Variants in OPHN1 observed in about 807,000 individuals in gnomAD.
The protein encoded by OPHN1 is oligophrenin-1.
OPHN1 carries 11 observed loss-of-function variants against 60.7 expected under a neutral mutation model. The ratio of observed to expected loss-of-function variants is 0.18; its 90% confidence interval spans 0.11 to 0.30. The LOEUF is 0.30. OPHN1 is among the 10% of genes least tolerant of loss of function. The probability of loss-of-function intolerance (pLI) is 1.00; values close to 1 mark genes in which losing one functional copy is unlikely to be tolerated. For missense variants in OPHN1, 449 were observed against 611.0 expected, an observed-to-expected ratio of 0.73 and a Z score of 2.80; for synonymous variants, 226 against 222.6, an observed-to-expected ratio of 1.02 and a Z score of -0.14.
chrX:68,362,050 A>G (rs151147974), intron 2 of OPHN1, among the ~76,000 whole-genome samples: 142 of 111,952 alleles, frequency 1.3e-3, no homozygotes, highest in African/African-American at 4.5e-3. Context: ...TCCTTTGTCT[A>G]TTTTTAAATC....
In OPHN1 at chrX:68,336,673, A is replaced by AGT. The variant is rs758147589; in HGVS notation, c.155-37579_155-37578dup. Among the ~76,000 whole-genome samples, 987 of 104,978 alleles carry AGT rather than the reference A, an allele frequency of 9.4e-3. 6 individuals are homozygous for AGT. Among genetic ancestry groups the AGT allele is most frequent in the South Asian group, 0.026 (61 of 2,375 alleles). The allele number at this position is 104,978 out of a possible 115,157, so 91.2% of individuals were successfully genotyped here. ...GTGTACGTGTGTGTGTGTGTGTGAG[A>AGT]GTGTGTGTGTGTGTGTGTGTGTGTA... On this transcript the variant is annotated intron_variant, in intron 2 of 24. Coordinates refer to ENST00000355520, the MANE Select transcript of OPHN1 (RefSeq NM_002547.3).
chrX:68,235,889 T>A (rs938554999), intron 5 of OPHN1, among the ~76,000 whole-genome samples: 3 of 108,126 alleles, frequency 2.8e-5, no homozygotes, highest in Non-Finnish European at 5.7e-5. Context: ...AAGAAAGAAA[T>A]GTGCTTTTTA....
At chrX:68,421,563 T>C (rs1351351805) in intron 2 of OPHN1, among the ~76,000 whole-genome samples, 3 of 111,473 alleles carry the variant, frequency 2.7e-5, no homozygotes, top group Non-Finnish European at 5.6e-5. Context: ...GAATTCAGGA[T>C]GGATGAATTC....
rs1462750573 is a variant in OPHN1, at chrX:68,213,956, T to C, written c.503A>G (p.Asp168Gly). 5 of 1,175,291 alleles carry C rather than the reference T, an allele frequency of 4.3e-6. No homozygotes were observed. The highest frequency in any genetic ancestry group is 2.3e-6 in the Non-Finnish European group (2 of 865,129). ...CTCGAAAAAATTGTGCCTCTCCTTG[T>C]CCACCTGTAGGTCTGCCTGTAGAAG... is the stretch of plus-strand genomic sequence containing the variant. ...SQLQEADLQV[D>G]KERHNFFESS... is the part of the protein sequence containing the mutation. Residue 168 changes from aspartate (D) to glycine (G), a missense_variant, in exon 7 of 25, where the codon GAC becomes GGC. By Grantham distance (94) the Asp-to-Gly change is moderately conservative. Around this residue, in one of 4 missense-constraint regions of OPHN1, gnomAD observed 99 missense variants for 155.2 expected, o/e 0.64. Transcript: ENST00000355520.
At chrX:68,314,139 G>T (rs1278584683) in intron 2 of OPHN1, among the ~76,000 whole-genome samples, 1 of 111,974 alleles carries the variant, frequency 8.9e-6, no homozygotes, top group African/African-American at 3.2e-5. Flanking sequence ...CAAATTCCTT[G>T]TAACACACAA....
intron 2 of OPHN1, among the ~76,000 whole-genome samples, chrX:68,410,327 G>A (rs1201338702): frequency 9.0e-6 from 1 of 111,071 alleles, no homozygotes; most frequent in Non-Finnish European, 1.9e-5. Context: ...TCCAGGCTCT[G>A]CTTCCAAGAT....
At chrX:68,297,777 C>G (rs921520980) in intron 3 of OPHN1, among the ~76,000 whole-genome samples, 4 of 110,541 alleles carry the variant, frequency 3.6e-5, no homozygotes, top group Non-Finnish European at 5.7e-5. Flanking sequence ...ACCCATAAAA[C>G]TTGTGAAAAA....
intron 15 of OPHN1, among the ~76,000 whole-genome samples, chrX:68,130,824 C>T (rs2077191207): frequency 8.9e-6 from 1 of 111,752 alleles, no homozygotes; most frequent in Non-Finnish European, 1.9e-5. Flanking sequence ...TTCCAGGGAG[C>T]AAGGACAATG....
At chrX:68,145,423 G>A (rs1423732304) in intron 15 of OPHN1, among the ~76,000 whole-genome samples, 1 of 111,747 alleles carries the variant, frequency 8.9e-6, no homozygotes, top group Non-Finnish European at 1.9e-5. Context: ...AACAGCAGAG[G>A]TTGTTCAAAA....
At chrX:68,148,988 C>A (rs1569226080) in intron 15 of OPHN1, among the ~76,000 whole-genome samples, 2 of 111,265 alleles carry the variant, frequency 1.8e-5, no homozygotes, top group African/African-American at 6.5e-5. Context: ...ATTTTAATAT[C>A]TTTTATGTAG....
chrX:68,416,759 C>A (rs751465792), intron 2 of OPHN1, among the ~76,000 whole-genome samples: 57 of 112,089 alleles, frequency 5.1e-4, no homozygotes, highest in Non-Finnish European at 9.2e-4. Context: ...ACAAGAAGGT[C>A]CAAGGAACAC....
At chrX:68,394,016 C>A (rs1056510246) in intron 2 of OPHN1, among the ~76,000 whole-genome samples, 1 of 103,203 alleles carries the variant, frequency 9.7e-6, no homozygotes, top group African/African-American at 3.4e-5. Context: ...CTGCCTCAGC[C>A]TCCCGAGTAG....
At chrX:68,425,724 C>A (rs189095347) in intron 2 of OPHN1, among the ~76,000 whole-genome samples, 3 of 100,437 alleles carry the variant, frequency 3.0e-5, no homozygotes, top group African/African-American at 1.1e-4. Context: ...TCTACTTTAT[C>A]AATTTTATGT....
chrX:68,239,358 C>T (rs959637875), intron 5 of OPHN1, among the ~76,000 whole-genome samples: 2 of 110,622 alleles, frequency 1.8e-5, no homozygotes, highest in African/African-American at 6.6e-5. Flanking sequence ...TCTCTGCCCT[C>T]TAGGGTCTTG....
chrX:68,196,337 G>A (rs1292306837), intron 12 of OPHN1, among the ~76,000 whole-genome samples: 4 of 112,162 alleles, frequency 3.6e-5, no homozygotes, highest in African/African-American at 1.3e-4. Context: ...TGGTTTACAA[G>A]ATGACTTCCA....
intron 15 of OPHN1, among the ~76,000 whole-genome samples, chrX:68,143,171 C>T (rs1260516733): frequency 2.7e-5 from 3 of 111,512 alleles, no homozygotes; most frequent in African/African-American, 9.8e-5. Flanking sequence ...TGACAAGTAA[C>T]CTGACTGCAG....
At chrX:68,212,778 T>G (rs1160839678) in intron 7 of OPHN1, among the ~76,000 whole-genome samples, 1 of 112,427 alleles carries the variant, frequency 8.9e-6, no homozygotes, top group Non-Finnish European at 1.9e-5. Flanking sequence ...TGTTCAGATC[T>G]CATATAAAGA....
At chrX:68,303,092 TC>T (rs998142332) in intron 2 of OPHN1, among the ~76,000 whole-genome samples, 1 of 111,321 alleles carries the variant, frequency 9.0e-6, no homozygotes, top group African/African-American at 3.3e-5. Flanking sequence ...GGAAAAGACA[TC>T]CGATGTTCAA....
intron 5 of OPHN1, among the ~76,000 whole-genome samples, chrX:68,241,985 T>C (rs900748734): frequency 4.5e-5 from 5 of 110,884 alleles, no homozygotes; most frequent in African/African-American, 1.6e-4. Flanking sequence ...CATATGGCCA[T>C]ATCACAAGAT....
Sources: gnomAD v4.1 joint callset for allele counts (sites outside exome capture counted in the v4.1 genomes callset) on GRCh38, gnomAD v4.1.1 for gene constraint, gnomAD v4.1.1 regional missense constraint, MANE v1.5 for transcripts, NCBI Gene and HGNC (gene_info 2026-07-23, HGNC 2026-07-21) for gene names.